TRAPPC9: variants seen among roughly 807,000 people sequenced by gnomAD.
TRAPPC9 encodes trafficking protein particle complex subunit 9, also known as IKK2 binding protein.
In TRAPPC9, 83 loss-of-function variants were observed where a neutral mutation model predicts 124.0. The ratio of observed to expected loss-of-function variants is 0.67; its 90% CI spans 0.56 to 0.80. The LOEUF (loss-of-function observed/expected upper bound fraction) is 0.80. TRAPPC9 is among the 30% of genes least tolerant of loss of function. The probability of loss-of-function intolerance (pLI) is 0.00; values close to 1 mark genes in which losing one functional copy is unlikely to be tolerated. For synonymous variants in TRAPPC9, 638 were observed against 617.5 expected, an observed-to-expected ratio of 1.03 and a Z score of -0.49; for missense variants, 1,302 against 1,508.3, an observed-to-expected ratio of 0.86 and a Z score of 2.27.
chr8:140,062,561 A>G (rs922499932), intron 17 of TRAPPC9, among the ~76,000 whole-genome samples: 2 of 151,948 alleles, frequency 1.3e-5, no homozygotes, highest in Admixed American at 6.6e-5. Context: ...GCGCCCTCAG[A>G]GACCCTCCTC....
At chr8:140,173,978 G>A (rs927276291) in intron 17 of TRAPPC9, among the ~76,000 whole-genome samples, 3 of 152,184 alleles carry the variant, frequency 2.0e-5, no homozygotes, top group Admixed American at 6.5e-5. Context: ...AATACCAAGT[G>A]CCTAGCATGG....
rs1489397972 is a variant in TRAPPC9 at position 140,196,021 on chromosome 8, C to T, written c.2556+25438G>A. Among the ~76,000 whole-genome samples, 3 of 142,920 alleles carry T rather than the reference C, an allele frequency of 2.1e-5. No individual in the cohort carries two copies. The East Asian group carries it at 6.7e-4, about 32-fold the overall frequency. 93.8% of individuals were successfully genotyped at this position (142,920 alleles called of 152,430 possible). A position where few individuals can be genotyped will look rare whatever the true frequency, so the allele number is the denominator to read the frequency against. The stretch of plus-strand genomic sequence containing the variant: ...CTAAAACACTCAGCAATCCACTGTA[C>T]AGCTCACACCTGTGACACTAAAACA... On this transcript the variant is annotated intron_variant, in intron 17 of 22. Coordinates refer to ENST00000438773, the MANE Select transcript of TRAPPC9 (RefSeq NM_001160372.4).
At chr8:140,390,069 C>T (rs1394832657) in intron 7 of TRAPPC9, among the ~76,000 whole-genome samples, 2 of 152,020 alleles carry the variant, frequency 1.3e-5, no homozygotes, top group Non-Finnish European at 2.9e-5. Context: ...TTTGGGAGGC[C>T]GAGGCAGGTG....
At chr8:140,033,655 GTGGTTTTTTTTTTTTTTTTTTTTTTTTT>G (rs1423024132) in intron 17 of TRAPPC9, among the ~76,000 whole-genome samples, 2 of 55,444 alleles carry the variant, frequency 3.6e-5, no homozygotes, top group African/African-American at 8.1e-5. Flanking sequence ...TCTTCATAAT[GTGGTTTTTTTTTTTTTTTTTTTTTTTTT>G]TTTTTTTTTT....
intron 18 of TRAPPC9, among the ~76,000 whole-genome samples, chr8:140,001,752 C>G (rs1838417630): frequency 6.6e-6 from 1 of 152,120 alleles, no homozygotes. Flanking sequence ...AAAATCCATC[C>G]AAGAAAGCAC....
chr8:140,408,897 T>C (rs142504034), intron 5 of TRAPPC9, among the ~76,000 whole-genome samples: 1,738 of 150,680 alleles, frequency 0.012, 20 homozygotes, highest in Non-Finnish European at 0.017. Context: ...CAGAAAACCA[T>C]AGTTCAAAAA....
chr8:139,926,268 C>G (rs1307602283), intron 19 of TRAPPC9, among the ~76,000 whole-genome samples: 2 of 152,196 alleles, frequency 1.3e-5, no homozygotes, highest in Admixed American at 1.3e-4. Context: ...CTGAACCTAA[C>G]TGGACTGAGG....
chr8:139,853,171 G>A (rs1385397074), intron 21 of TRAPPC9, among the ~76,000 whole-genome samples: 1 of 152,174 alleles, frequency 6.6e-6, no homozygotes, highest in Non-Finnish European at 1.5e-5. Context: ...CCCTGTTCCA[G>A]ATGGTTCTGG....
chr8:140,361,685 C>T (rs920266355), intron 8 of TRAPPC9, among the ~76,000 whole-genome samples: 1 of 152,054 alleles, frequency 6.6e-6, no homozygotes, highest in Non-Finnish European at 1.5e-5. Flanking sequence ...AGAATGAGTC[C>T]TCCATTTTTT....
At chr8:139,956,651 T>C (rs923828288) in intron 19 of TRAPPC9, among the ~76,000 whole-genome samples, 2 of 152,218 alleles carry the variant, frequency 1.3e-5, no homozygotes, top group Non-Finnish European at 2.9e-5. Context: ...CCTGTGTGCC[T>C]GGAACAGCAC....
chr8:139,864,130 C>T (rs1177283064), intron 21 of TRAPPC9, among the ~76,000 whole-genome samples: 1 of 152,196 alleles, frequency 6.6e-6, no homozygotes, highest in Non-Finnish European at 1.5e-5. Context: ...ATTTATTCAG[C>T]TGGCGCCCAG....
intron 21 of TRAPPC9, among the ~76,000 whole-genome samples, chr8:139,839,241 C>T (rs1412866167): frequency 6.6e-6 from 1 of 152,262 alleles, no homozygotes; most frequent in African/African-American, 2.4e-5. Flanking sequence ...AGACACTATG[C>T]TCAGCACCAG....
At chr8:140,380,406 C>T (rs958429934) in intron 7 of TRAPPC9, among the ~76,000 whole-genome samples, 3 of 152,076 alleles carry the variant, frequency 2.0e-5, no homozygotes, top group South Asian at 2.1e-4. Context: ...GTAATCCCAG[C>T]GCTTTGGGAG....
At chr8:140,166,694 G>A (rs1264280248) in intron 17 of TRAPPC9, among the ~76,000 whole-genome samples, 1 of 152,246 alleles carries the variant, frequency 6.6e-6, no homozygotes, top group East Asian at 1.9e-4. Context: ...CACGCAGCAA[G>A]AAAGCAAGCA....
At chr8:140,443,870 C>G (rs1442268026) in intron 2 of TRAPPC9, among the ~76,000 whole-genome samples, 1 of 151,504 alleles carries the variant, frequency 6.6e-6, no homozygotes, top group East Asian at 1.9e-4. Context: ...AACCCCATCT[C>G]TACTAAAAAC....
chr8:139,787,956 C>T (rs957151855), intron 21 of TRAPPC9, among the ~76,000 whole-genome samples: 5 of 152,146 alleles, frequency 3.3e-5, no homozygotes, highest in South Asian at 2.1e-4. Context: ...TTGCAAGGCA[C>T]GGGGTTGTGG....
intron 21 of TRAPPC9, among the ~76,000 whole-genome samples, chr8:139,858,815 T>G (rs896727973): frequency 6.7e-6 from 1 of 148,400 alleles, no homozygotes; most frequent in Non-Finnish European, 1.5e-5. Context: ...CGACCGGGAC[T>G]GTGAATCCGG....
chr8:140,203,618 G>A (rs1304320821), intron 17 of TRAPPC9, among the ~76,000 whole-genome samples: 3 of 152,150 alleles, frequency 2.0e-5, no homozygotes, highest in Non-Finnish European at 4.4e-5. Context: ...TGTGAAAATC[G>A]GTGCTTGCGG....
chr8:139,939,479 G>C (rs531631547), intron 19 of TRAPPC9, among the ~76,000 whole-genome samples: 26 of 152,250 alleles, frequency 1.7e-4, no homozygotes, highest in African/African-American at 5.3e-4. Flanking sequence ...CTCCCCAACC[G>C]AGACCCTCAG....
Sources: allele counts gnomAD v4.1 joint callset (sites outside exome capture counted in the v4.1 genomes callset), GRCh38; gene constraint gnomAD v4.1.1; transcripts MANE v1.5; gene names NCBI Gene and HGNC (gene_info 2026-07-23, HGNC 2026-07-21).